Variants in EPS8 observed in about 807,000 individuals in gnomAD.
The protein encoded by EPS8 is epidermal growth factor receptor kinase substrate 8.
In EPS8, 42 loss-of-function variants were observed where a neutral mutation model predicts 103.8. The observed-to-expected ratio is 0.40, with a 90% CI of 0.32 to 0.52. The LOEUF is 0.52. Ranked by LOEUF, EPS8 falls within the 20% of genes least tolerant of loss-of-function variation. The probability of loss-of-function intolerance (pLI) is 0.40; values close to 1 mark genes in which losing one functional copy is unlikely to be tolerated. For synonymous variants in EPS8, 344 were observed against 344.6 expected (o/e 1.00, Z 0.02); for missense variants, 969 against 1,005.1 (o/e 0.96, Z 0.49).
rs773816907 is a variant in EPS8 at position 15,647,274 on chromosome 12, T to C, written c.1435-14A>G. 1.6e-5 allele frequency: 25 copies of C among 1,606,408 alleles called. No homozygotes were observed. The highest frequency in any genetic ancestry group is 2.1e-5 in the Non-Finnish European group (25 of 1,176,450). The stretch of plus-strand genomic sequence containing the variant: ...TACACTGGAATGCTGAAAGACAAAG[T>C]GGGGCAGATTAAAGAATCACCAAAT... On this transcript the variant is annotated splice_polypyrimidine_tract_variant and intron_variant, in intron 14 of 20. Coordinates refer to ENST00000281172, the MANE Select transcript of EPS8 (RefSeq NM_004447.6).
chr12:15,711,581 C>T (rs1946465704), intron 1 of EPS8, among the ~76,000 whole-genome samples: 1 of 152,156 alleles, frequency 6.6e-6, no homozygotes, highest in Non-Finnish European at 1.5e-5. Flanking sequence ...TGGAGATTTA[C>T]ACTCCACATT....
chr12:15,674,797 T>TA (rs1477130045), intron 3 of EPS8, among the ~76,000 whole-genome samples: 1 of 152,092 alleles, frequency 6.6e-6, no homozygotes, highest in Non-Finnish European at 1.5e-5. Flanking sequence ...TGATACTATT[T>TA]AATGAATTAG....
intron 1 of EPS8, among the ~76,000 whole-genome samples, chr12:15,756,706 T>C (rs957898021): frequency 6.6e-6 from 1 of 152,194 alleles, no homozygotes; most frequent in African/African-American, 2.4e-5. Context: ...CAGACATTCA[T>C]TTAGCTCACT....
chr12:15,684,776 A>G lies in EPS8; in HGVS notation c.-21-1804T>C, dbSNP rs1946068008. 6.6e-6 allele frequency among the ~76,000 whole-genome samples: 1 copy of G among 152,246 alleles called. No homozygotes were observed. The highest frequency in any genetic ancestry group is 1.5e-5 in the Non-Finnish European group (1 of 68,030). ...CCCTCAAAACACTGGACTTTAATTT[A>G]AGCTTTCCTATCCACTGCTTAAAAG... is the stretch of plus-strand genomic sequence containing the variant. On this transcript the variant is annotated intron_variant, in intron 1 of 20. Coordinates refer to ENST00000281172, the MANE Select transcript of EPS8 (RefSeq NM_004447.6). This position sits in a 1 kb window ranked among gnomAD's most constrained non-coding sequence, Gnocchi z 4.9.
At chr12:15,626,757 A>G (rs1944954406) in intron 18 of EPS8, among the ~76,000 whole-genome samples, 2 of 151,262 alleles carry the variant, frequency 1.3e-5, no homozygotes, top group South Asian at 4.2e-4. Flanking sequence ...CCACTCCACA[A>G]CTCTTCTGGA....
intron 1 of EPS8, among the ~76,000 whole-genome samples, chr12:15,724,700 G>A (rs975360620): frequency 1.1e-4 from 17 of 152,118 alleles, no homozygotes; most frequent in Non-Finnish European, 2.4e-4. Flanking sequence ...TTTCATGGTA[G>A]TGAATAAATC....
rs560735505 is a variant in EPS8, at chr12:15,718,744, C to T, written c.-21-35772G>A. ...AATTGTCTAGAAGGTCCTTGTAAAA[C>T]GCATTTTTAAACCTACAATGTCCTC... is the stretch of plus-strand genomic sequence containing the variant. On this transcript the variant is annotated intron_variant, in intron 1 of 20. Transcript: ENST00000281172. Among the ~76,000 whole-genome samples, 7 of 152,156 alleles carry T rather than the reference C, an allele frequency of 4.6e-5. No homozygotes were observed. In the South Asian group the frequency reaches 6.2e-4, roughly 14 times the overall value.
intron 18 of EPS8, among the ~76,000 whole-genome samples, chr12:15,627,009 T>C (rs1169403701): frequency 6.6e-6 from 1 of 150,474 alleles, no homozygotes; most frequent in Admixed American, 6.6e-5. Context: ...TCTATCATCT[T>C]TTTTTTTTTG....
At chr12:15,694,555 CT>C (rs914127957) in intron 1 of EPS8, among the ~76,000 whole-genome samples, 1 of 101,542 alleles carries the variant, frequency 9.8e-6, no homozygotes, top group African/African-American at 3.0e-5. Context: ...TAAATAACCA[CT>C]ACTTTATCCA....
rs1313877850 is a variant in EPS8 at position 15,700,817 on chromosome 12, T to G, written c.-21-17845A>C. Among the ~76,000 whole-genome samples, 1 of 152,058 alleles carries G rather than the reference T, an allele frequency of 6.6e-6. No homozygotes were observed. The highest frequency in any genetic ancestry group is 2.4e-5 in the African/African-American group (1 of 41,400). ...ACCCAATGTTTTTCTTGGAAGGAAGTCCATACAAGTGCCATTTCTTTCAAA... is the reference window on the plus strand; with the variant it reads ...ACCCAATGTTTTTCTTGGAAGGAAGGCCATACAAGTGCCATTTCTTTCAAA... On this transcript the variant is annotated intron_variant, in intron 1 of 20. Coordinates refer to ENST00000281172, the MANE Select transcript of EPS8 (RefSeq NM_004447.6). The surrounding 1 kb of genome is among the most constrained non-coding windows in gnomAD (Gnocchi z 5.1).
chr12:15,670,861 C>T lies in EPS8; in HGVS notation c.199G>A (p.Val67Ile), dbSNP rs1478400794. 3 of 1,606,992 alleles carry T rather than the reference C, an allele frequency of 1.9e-6. No individual in the cohort carries two copies. In the Admixed American group the frequency reaches 5.0e-5, roughly 27 times the overall value. Reference sequence around the variant, plus strand: ...CAAACACCAAAGCATCTTACTTCAACACGGTATTGAGATATATCTGACACA... The same window carrying T: ...CAAACACCAAAGCATCTTACTTCAATACGGTATTGAGATATATCTGACACA... ...SSVSDISQYR[V>I]EHLTTFVLDR... Residue 67 changes from valine to isoleucine, a missense_variant, in exon 4 of 21, where the codon GTT becomes ATT. Physicochemically the swap from Val to Ile is conservative, Grantham distance 29. Transcript: ENST00000281172.
intron 1 of EPS8, among the ~76,000 whole-genome samples, chr12:15,718,048 G>A (rs1034294823): frequency 6.6e-6 from 1 of 152,146 alleles, no homozygotes; most frequent in Non-Finnish European, 1.5e-5. Flanking sequence ...AAGATTAGAT[G>A]TAAAGTGTTA....
At chr12:15,710,969 A>G (rs1264321548) in intron 1 of EPS8, among the ~76,000 whole-genome samples, 3 of 152,156 alleles carry the variant, frequency 2.0e-5, no homozygotes, top group Admixed American at 6.5e-5. Flanking sequence ...CCTGGGATCA[A>G]GCCATCCTCC....
intron 1 of EPS8, among the ~76,000 whole-genome samples, chr12:15,718,219 C>T (rs1946554220): frequency 6.6e-6 from 1 of 152,148 alleles, no homozygotes; most frequent in South Asian, 2.1e-4. Flanking sequence ...CATTCAGATC[C>T]AATACCCCAG....
rs533267457 is a variant in EPS8 at position 15,736,675 on chromosome 12, T to A, written c.-22+52486A>T. Among the ~76,000 whole-genome samples, 1 of 152,234 alleles carries A rather than the reference T, an allele frequency of 6.6e-6. No individual in the cohort carries two copies. The highest frequency in any genetic ancestry group is 1.5e-5 in the Non-Finnish European group (1 of 68,014). Reference sequence around the variant, plus strand: ...AATTTAGGAAGCTAGGGTTGCTAGATGTGGCAGAAAGAAGAAAGAAATTGG... The same window carrying A: ...AATTTAGGAAGCTAGGGTTGCTAGAAGTGGCAGAAAGAAGAAAGAAATTGG... On this transcript the variant is annotated intron_variant, in intron 1 of 20. Coordinates refer to ENST00000281172, the MANE Select transcript of EPS8 (RefSeq NM_004447.6). This position sits in a 1 kb window ranked among gnomAD's most constrained non-coding sequence, Gnocchi z 4.2.
In EPS8 at chr12:15,623,287, C is replaced by T; in HGVS notation, c.2226G>A (p.Val742=). ...TWLQSKGFNP[V]TVNSLGVLNG... ...TTAATACTCCAAGACTATTGACAGT[C>T]CTAAAAAAAAAAAAAGGAAAAAGAA... Residue 742 remains valine (V), a splice_region_variant and synonymous_variant, in exon 20 of 21, where the codon GTG becomes GTA. Coordinates refer to ENST00000281172, the MANE Select transcript of EPS8 (RefSeq NM_004447.6). 1 of 1,563,830 alleles carries T rather than the reference C, an allele frequency of 6.4e-7. No homozygotes were observed. Among genetic ancestry groups the T allele is most frequent in the Non-Finnish European group, 8.6e-7 (1 of 1,164,564 alleles).
At chr12:15,679,956 C>T (rs957952830) in intron 3 of EPS8, among the ~76,000 whole-genome samples, 2 of 152,244 alleles carry the variant, frequency 1.3e-5, no homozygotes, top group South Asian at 2.1e-4. Flanking sequence ...CTTTAAGTCC[C>T]TTAAAGTCAG....
At chr12:15,730,656 C>CA (rs1167016778) in intron 1 of EPS8, among the ~76,000 whole-genome samples, 1 of 152,178 alleles carries the variant, frequency 6.6e-6, no homozygotes, top group Non-Finnish European at 1.5e-5. Context: ...TATGACTACT[C>CA]AATCTTCTCT....
chr12:15,775,064 GTGTGT>G (rs1407638208), intron 1 of EPS8, among the ~76,000 whole-genome samples: 1 of 152,070 alleles, frequency 6.6e-6, no homozygotes, highest in Non-Finnish European at 1.5e-5. Flanking sequence ...AATTTGAGAG[GTGTGT>G]TAGAATGCGC....
Sources: gnomAD v4.1 joint callset for allele counts (sites outside exome capture counted in the v4.1 genomes callset) on GRCh38, gnomAD v4.1.1 for gene constraint, Gnocchi (gnomAD v3.1) non-coding constraint, MANE v1.5 for transcripts, NCBI Gene and HGNC (gene_info 2026-07-23, HGNC 2026-07-21) for gene names.